The following TNC variants were observed in gnomAD, a reference collection of about 807,000 sequenced individuals.
TNC encodes tenascin C.
A neutral mutation model predicts 202.4 loss-of-function variants in TNC; 109 were observed. That is an observed-to-expected ratio of 0.54 (90% CI 0.46 to 0.63). TNC has a LOEUF of 0.63. Ranked by LOEUF, TNC falls within the 30% of genes least tolerant of loss-of-function variation. The pLI is 0.00. For synonymous variants in TNC, 1,007 were observed against 1,089.7 expected, an observed-to-expected ratio of 0.92 and a Z score of 1.50; for missense variants, 2,756 against 2,833.3, an observed-to-expected ratio of 0.97 and a Z score of 0.62.
chr9:115,044,422 C>T (rs954377053), intron 17 of TNC, among the ~76,000 whole-genome samples: 12 of 151,008 alleles, frequency 7.9e-5, no homozygotes, highest in South Asian at 4.2e-4. Context: ...CACACAAGCA[C>T]GCACGCGCAT....
Position 115,059,920 on chromosome 9 carries a change from A to C in TNC, c.4116T>G (p.Asn1372Lys), listed in dbSNP as rs747331613. 1 of 1,614,122 alleles carries C rather than the reference A, an allele frequency of 6.2e-7. No homozygotes were observed. Among genetic ancestry groups the C allele is most frequent in the African/African-American group, 1.3e-5 (1 of 75,030 alleles). ...CCTGAATGACAAAGTGCTCATAGGC[A>C]TTGTCAGCTGCGGTCCAGTTGAGTC... is the stretch of plus-strand genomic sequence containing the variant. The part of the protein sequence containing the change: ...GLRLNWTAAD[N>K]AYEHFVIQVQ... Residue 1372 changes from asparagine to lysine, a missense_variant, in exon 14 of 28, where the codon AAT (asparagine) becomes AAG (lysine). Asn to Lys is a moderately conservative substitution (Grantham distance 94). Coordinates refer to ENST00000350763, the MANE Select transcript of TNC (RefSeq NM_002160.4).
intron 18 of TNC, among the ~76,000 whole-genome samples, chr9:115,041,670 C>T (rs1830768234): frequency 6.6e-6 from 1 of 152,190 alleles, no homozygotes; most frequent in Non-Finnish European, 1.5e-5. Flanking sequence ...GGTTATTAAC[C>T]ATCCTCTCTT....
Position 115,082,795 on chromosome 9 carries a change from G to C in TNC, c.2144C>G (p.Pro715Arg). 6.2e-7 allele frequency: 1 copy of C among 1,613,456 alleles called. No homozygotes were observed. The highest frequency in any genetic ancestry group is 2.2e-5 in the East Asian group (1 of 44,868). The change falls in exon 5 of 28, where the codon CCT becomes CGT. Residue 715 changes from proline (P) to arginine (R), a missense_variant. Physicochemically the swap from Pro to Arg is moderately radical, Grantham distance 103. This residue lies in a region of TNC where 2,559 missense variants were observed against 2,546.0 expected (regional missense o/e 1.01). Coordinates refer to ENST00000350763, the MANE Select transcript of TNC (RefSeq NM_002160.4). ...SARVATYLPAPEGLKFKSIKE... is the reference protein window; with the variant it reads ...SARVATYLPAREGLKFKSIKE... ...GATGGACTTGAATTTCAGGCCTTCAGGTGCAGGTAAGTCTGTAAGTAACAA... is the reference window on the plus strand; with the variant it reads ...GATGGACTTGAATTTCAGGCCTTCACGTGCAGGTAAGTCTGTAAGTAACAA...
In TNC at chr9:115,048,421, A is replaced by G. The variant is rs1831376208; in HGVS notation, c.4691T>C (p.Val1564Ala). ...GGGGTCCAGCAGCTTCCCAGAATCCACCACCGTTACTAGAAAGCTGTCAAA... is the reference window on the plus strand; with the variant it reads ...GGGGTCCAGCAGCTTCCCAGAATCCGCCACCGTTACTAGAAAGCTGTCAAA... Reference protein sequence around the residue: ...NAFDSFLVTVVDSGKLLDPQE... With the variant: ...NAFDSFLVTVADSGKLLDPQE... The change falls in exon 16 of 28, where the codon GTG becomes GCG. Residue 1564 changes from valine (V) to alanine (A), a missense_variant. Physicochemically the swap from Val to Ala is moderately conservative, Grantham distance 64. Around this residue, in one of 2 missense-constraint regions of TNC, gnomAD observed 2,559 missense variants for 2,546.0 expected, o/e 1.01. Transcript: ENST00000350763. 6 of 1,614,010 alleles carry G rather than the reference A, an allele frequency of 3.7e-6. No homozygotes were observed. Among genetic ancestry groups the G allele is most frequent in the Non-Finnish European group, 5.1e-6 (6 of 1,179,960 alleles).
At chr9:115,056,662 CTTTACT>C (rs1002130948) in intron 15 of TNC, among the ~76,000 whole-genome samples, 11 of 152,164 alleles carry the variant, frequency 7.2e-5, no homozygotes, top group African/African-American at 2.7e-4. Flanking sequence ...TGCTGTTTCC[CTTTACT>C]TTCCCAGTTG....
In TNC at chr9:115,042,319, G is replaced by A. The variant is rs755109144; in HGVS notation, c.5148C>T (p.Val1716=). ...AATTTTCAGTGATGTCTGAGAAAAT[G>A]ACTTCCTTTGGGGAGCCCATGGCTG... The part of the protein sequence containing the change: ...ATTAMGSPKE[V]IFSDITENSA... The change falls in exon 18 of 28, where the codon GTC becomes GTT. Residue 1716 remains valine (V), a synonymous_variant. Transcript: ENST00000350763. 2 of 1,614,102 alleles carry A rather than the reference G, an allele frequency of 1.2e-6. No homozygotes were observed. The highest frequency in any genetic ancestry group is 1.7e-6 in the Non-Finnish European group (2 of 1,179,988).
rs1359557239 is a variant in TNC at position 115,046,600 on chromosome 9, C to T, written c.4935G>A (p.Gly1645=). Residue 1645 remains glycine (G), a synonymous_variant, in exon 17 of 28, where the codon GGG becomes GGA. Transcript: ENST00000350763. The part of the protein sequence containing the change: ...GFRLSWTADE[G]VFDNFVLKIR... ...TTTTGAGAACAAAATTGTCGAAGAC[C>T]CCTTCATCAGCTGTCCAGGACAGAC... 3 of 1,613,796 alleles carry T rather than the reference C, an allele frequency of 1.9e-6. No homozygotes were observed. Among genetic ancestry groups the T allele is most frequent in the African/African-American group, 1.3e-5 (1 of 74,822 alleles).
intron 13 of TNC, among the ~76,000 whole-genome samples, chr9:115,062,007 T>G (rs563888172): frequency 6.6e-6 from 1 of 152,332 alleles, no homozygotes; most frequent in South Asian, 2.1e-4. Context: ...TAAAGGTTAT[T>G]ATGTAGAGAT....
chr9:115,041,451 T>C (rs1830752579), intron 18 of TNC, among the ~76,000 whole-genome samples: 1 of 152,196 alleles, frequency 6.6e-6, no homozygotes, highest in Non-Finnish European at 1.5e-5. Context: ...GTCAGATCTA[T>C]TGCACCCATT....
At chr9:115,065,524 G>A (rs1207591254) in intron 10 of TNC, among the ~76,000 whole-genome samples, 1 of 152,196 alleles carries the variant, frequency 6.6e-6, no homozygotes, top group Non-Finnish European at 1.5e-5. Flanking sequence ...GCGATGCTCT[G>A]AGCTTCAGTT....
rs995935911 is a variant in TNC, at chr9:115,082,762, G to A, written c.2177C>T (p.Thr726Ile). ...AGGATCCCACTCCACTTCCACAGATGTCTCCTTGATGGACTTGAATTTCAG... is the reference window on the plus strand; with the variant it reads ...AGGATCCCACTCCACTTCCACAGATATCTCCTTGATGGACTTGAATTTCAG... Reference protein sequence around the residue: ...EGLKFKSIKETSVEVEWDPLD... With the variant: ...EGLKFKSIKEISVEVEWDPLD... Residue 726 changes from threonine to isoleucine, a missense_variant, in exon 5 of 28, where the codon ACA (threonine) becomes ATA (isoleucine). By Grantham distance (89) the Thr-to-Ile change is moderately conservative. This residue lies in a region of TNC where 2,559 missense variants were observed against 2,546.0 expected (regional missense o/e 1.01). Coordinates refer to ENST00000350763, the MANE Select transcript of TNC (RefSeq NM_002160.4). 5.0e-6 allele frequency: 8 copies of A among 1,614,128 alleles called. No homozygotes were observed. The highest frequency in any genetic ancestry group is 6.8e-6 in the Non-Finnish European group (8 of 1,180,004).
chr9:115,069,478 A>C (rs1014184358), intron 10 of TNC, among the ~76,000 whole-genome samples: 1 of 151,712 alleles, frequency 6.6e-6, no homozygotes, highest in African/African-American at 2.4e-5. Context: ...GAGGAGAGGG[A>C]AAGAGAAGGG....
intron 4 of TNC, among the ~76,000 whole-genome samples, chr9:115,083,478 C>A (rs1299034424): frequency 1.3e-5 from 2 of 152,170 alleles, no homozygotes; most frequent in African/African-American, 2.4e-5. Flanking sequence ...TTTGCCTCTA[C>A]TCCTTGTTAG....
At chr9:115,105,427 A>AT (rs925152541) in intron 1 of TNC, among the ~76,000 whole-genome samples, 22 of 152,130 alleles carry the variant, frequency 1.4e-4, no homozygotes, top group Admixed American at 1.0e-3. Context: ...AGTTGTCTTT[A>AT]TTTTTCACAG....
chr9:115,058,844 G>A (rs1264024643), intron 14 of TNC, among the ~76,000 whole-genome samples: 2 of 152,202 alleles, frequency 1.3e-5, no homozygotes, highest in Non-Finnish European at 2.9e-5. Flanking sequence ...GTCAGAGGAA[G>A]GCTGCTGACT....
rs10982532 is a variant in TNC at position 115,101,135 on chromosome 9, C to T, written c.-136-9981G>A. 0.01 allele frequency among the ~76,000 whole-genome samples: 1,545 copies of T among 152,220 alleles called. 60 individuals carry two copies. In the East Asian group the frequency reaches 0.11, roughly 11 times the overall value. On this transcript the variant is annotated intron_variant, in intron 1 of 27. Coordinates refer to ENST00000350763, the MANE Select transcript of TNC (RefSeq NM_002160.4). ...TGCCAAGCCCTGAGTTAAGTATAAA[C>T]GATACAACACCAAAGAAGATAAACA... is the stretch of plus-strand genomic sequence containing the variant.
In TNC at chr9:115,087,165, T is replaced by C; in HGVS notation, c.566A>G (p.Glu189Gly). 1 of 1,614,196 alleles carries C rather than the reference T, an allele frequency of 6.2e-7. No individual in the cohort carries two copies. Among genetic ancestry groups the C allele is most frequent in the East Asian group, 2.2e-5 (1 of 44,874 alleles). The change falls in exon 3 of 28, where the codon GAA becomes GGA. Residue 189 changes from glutamate (E) to glycine (G), a missense_variant. Physicochemically the swap from Glu to Gly is moderately conservative, Grantham distance 98. Coordinates refer to ENST00000350763, the MANE Select transcript of TNC (RefSeq NM_002160.4). ...GWKGPNCSEP[E>G]CPGNCHLRGR... is the part of the protein sequence containing the mutation. ...TCGAAGGTGACAGTTGCCTGGACAT[T>C]CGGGCTCAGAGCAGTTGGGGCCTTT...
chr9:115,110,534 A>G (rs1414277001), intron 1 of TNC, among the ~76,000 whole-genome samples: 1 of 152,186 alleles, frequency 6.6e-6, no homozygotes, highest in African/African-American at 2.4e-5. Flanking sequence ...GTGGGGAGGC[A>G]GTGAACAGAT....
intron 15 of TNC, 147 bp downstream of exon 15, chr9:115,057,006 G>T (rs1283345737): frequency 2.2e-6 from 2 of 901,542 alleles, no homozygotes; most frequent in Non-Finnish European, 3.2e-6. Context: ...TTGGAAAAGA[G>T]TTATGTTAAA....
Sources: allele counts gnomAD v4.1 joint callset (sites outside exome capture counted in the v4.1 genomes callset), GRCh38; gene constraint gnomAD v4.1.1; regional missense constraint gnomAD v4.1.1; transcripts MANE v1.5; gene names NCBI Gene and HGNC (gene_info 2026-07-23, HGNC 2026-07-21).